Variants in UGT2A1 observed in about 807,000 individuals in gnomAD.
UGT2A1 encodes the protein UDP glucuronosyltransferase family 2 member A1 complex locus, also known as UDP-glucuronosyltransferase 2A1.
A neutral mutation model predicts 45.4 loss-of-function variants in UGT2A1; 61 were observed. That is an observed-to-expected ratio of 1.34 (90% CI 1.09 to 1.66). The LOEUF is 1.66. UGT2A1 is among the 40% of genes most tolerant of loss of function. The probability of loss-of-function intolerance (pLI) is 0.00; values close to 1 mark genes in which losing one functional copy is unlikely to be tolerated. For synonymous variants in UGT2A1, 229 were observed against 196.2 expected, an observed-to-expected ratio of 1.17 and a Z score of -1.40; for missense variants, 649 against 574.3, an observed-to-expected ratio of 1.13 and a Z score of -1.33.
rs193188070 is a variant in UGT2A1 at position 69,608,032 on chromosome 4, A to G, written c.848-8638T>C. On this transcript the variant is annotated intron_variant, in intron 3 of 6. Coordinates refer to ENST00000286604, the MANE Select transcript of UGT2A1 (RefSeq NM_001252275.3). ...TGTGGCAATTTCTCAGGGATCTAGA[A>G]TTAGAAATACCATTTGATCCAGCCA... Among the ~76,000 whole-genome samples, 267 of 152,292 alleles carry G rather than the reference A, an allele frequency of 1.8e-3. 3 individuals are homozygous for G. The highest frequency in any genetic ancestry group is 5.7e-3 in the African/African-American group (237 of 41,564).
chr4:69,650,384 G>C (rs528130417), intron 1 of UGT2A1, among the ~76,000 whole-genome samples: 2 of 152,168 alleles, frequency 1.3e-5, no homozygotes, highest in South Asian at 4.2e-4. Context: ...AATCACTGTA[G>C]TACATTATAG....
chr4:69,632,383 C>T (rs911402723), intron 3 of UGT2A1, among the ~76,000 whole-genome samples: 3 of 152,130 alleles, frequency 2.0e-5, no homozygotes, highest in Non-Finnish European at 4.4e-5. Context: ...ACACACAGCA[C>T]CTTTCAGAAT....
chr4:69,636,119 C>A (rs1252859633), intron 2 of UGT2A1, among the ~76,000 whole-genome samples: 1 of 152,074 alleles, frequency 6.6e-6, no homozygotes, highest in Non-Finnish European at 1.5e-5. Context: ...TGTACTTATT[C>A]TGATGTCCTT....
chr4:69,622,654 G>A (rs761815842), intron 3 of UGT2A1, among the ~76,000 whole-genome samples: 1 of 151,634 alleles, frequency 6.6e-6, no homozygotes, highest in Non-Finnish European at 1.5e-5. Context: ...AGGCTCAAAG[G>A]TGAGGGGGGC....
At chr4:69,596,422 C>A (rs1461908526) in intron 4 of UGT2A1, 2 of 1,440,166 alleles carry the variant, frequency 1.4e-6, no homozygotes, top group Non-Finnish European at 1.8e-6. Context: ...GGTGTAGCAT[C>A]ATAAGAAAAA....
At chr4:69,620,334 C>A (rs775806234) in intron 3 of UGT2A1, among the ~76,000 whole-genome samples, 1 of 151,814 alleles carries the variant, frequency 6.6e-6, no homozygotes, top group Non-Finnish European at 1.5e-5. Context: ...TCCTATACAC[C>A]AACAGCGAAG....
At chr4:69,625,918 T>C (rs891374123) in intron 3 of UGT2A1, among the ~76,000 whole-genome samples, 13 of 151,582 alleles carry the variant, frequency 8.6e-5, no homozygotes, top group Admixed American at 4.0e-4. Context: ...AAATAAGATG[T>C]TTAGAATTGC....
chr4:69,628,709 A>G (rs1367393243), intron 3 of UGT2A1, among the ~76,000 whole-genome samples: 1 of 149,388 alleles, frequency 6.7e-6, no homozygotes, highest in East Asian at 1.9e-4. Flanking sequence ...TTTTCTTTAA[A>G]AGCAAATATA....
chr4:69,639,592 G>A (rs1198389941), intron 2 of UGT2A1: 4 of 1,608,412 alleles, frequency 2.5e-6, no homozygotes, highest in Non-Finnish European at 3.4e-6. Context: ...TTAAAAACCA[G>A]CATCTGGACA....
At chr4:69,594,768 G>T (rs1718819882) in intron 5 of UGT2A1, 72 bp from the exon 6 acceptor site, 5 of 1,502,962 alleles carry the variant, frequency 3.3e-6, no homozygotes, top group South Asian at 1.3e-5. Context: ...GACAGAAGGG[G>T]TCAAAAAGCT....
intron 3 of UGT2A1, among the ~76,000 whole-genome samples, chr4:69,621,469 A>T (rs1720752169): frequency 6.6e-6 from 1 of 152,022 alleles, no homozygotes; most frequent in African/African-American, 2.4e-5. Context: ...TATGTCAGTC[A>T]GATTAGCTTT....
At chr4:69,615,731 A>AACAAACAG (rs1720339762) in intron 3 of UGT2A1, among the ~76,000 whole-genome samples, 1 of 151,938 alleles carries the variant, frequency 6.6e-6, no homozygotes, top group African/African-American at 2.4e-5. Flanking sequence ...CAAGCAAACA[A>AACAAACAG]ACAGACAGAC....
intron 3 of UGT2A1, among the ~76,000 whole-genome samples, chr4:69,612,123 G>A (rs917757278): frequency 1.3e-5 from 2 of 151,890 alleles, no homozygotes; most frequent in African/African-American, 4.8e-5. Context: ...AAATTCCAAG[G>A]TTAATAGGCA....
At chr4:69,624,524 C>G (rs1344022997) in intron 3 of UGT2A1, among the ~76,000 whole-genome samples, 1 of 151,190 alleles carries the variant, frequency 6.6e-6, no homozygotes, top group Admixed American at 6.6e-5. Flanking sequence ...GTTACCTCAT[C>G]TCTTTTTTGT....
At chr4:69,603,805 G>C (rs562906427) in intron 3 of UGT2A1, among the ~76,000 whole-genome samples, 2 of 137,028 alleles carry the variant, frequency 1.5e-5, no homozygotes, top group Admixed American at 7.2e-5. Context: ...TCAACTGGAA[G>C]AAAGGGTATC....
At chr4:69,603,830 A>G (rs1398916749) in intron 3 of UGT2A1, among the ~76,000 whole-genome samples, 4 of 137,012 alleles carry the variant, frequency 2.9e-5, no homozygotes, top group African/African-American at 1.2e-4. Flanking sequence ...ATGGAAGATC[A>G]AATGAATGAA....
intron 6 of UGT2A1, among the ~76,000 whole-genome samples, chr4:69,591,581 A>G (rs1219485284): frequency 6.6e-6 from 1 of 152,160 alleles, no homozygotes; most frequent in Admixed American, 6.5e-5. Context: ...CTAATGCCAG[A>G]GAGGTATACT....
chr4:69,622,394 G>A (rs917865602), intron 3 of UGT2A1, among the ~76,000 whole-genome samples: 1 of 151,392 alleles, frequency 6.6e-6, no homozygotes, highest in Non-Finnish European at 1.5e-5. Flanking sequence ...GAAAAAATAC[G>A]AATTATTTAA....
At chr4:69,589,779 CA>C in intron 6 of UGT2A1, 128 bp from the exon 7 acceptor site, 1 of 1,344,536 alleles carries the variant, frequency 7.4e-7, no homozygotes, top group Admixed American at 2.8e-5. Flanking sequence ...ATAATTCTTG[CA>C]TGAACTTTGT....
Sources: allele counts gnomAD v4.1 joint callset (sites outside exome capture counted in the v4.1 genomes callset), GRCh38; gene constraint gnomAD v4.1.1; transcripts MANE v1.5; gene names NCBI Gene and HGNC (gene_info 2026-07-23, HGNC 2026-07-21).